Variants in PUM2 observed in about 807,000 individuals in gnomAD.
PUM2 encodes pumilio RNA binding family member 2.
PUM2 carries 57 observed loss-of-function variants against 124.5 expected under a neutral mutation model. That is an observed-to-expected ratio of 0.46 (90% CI 0.37 to 0.57). PUM2 has a LOEUF of 0.57. Ranked by LOEUF, PUM2 falls within the 20% of genes least tolerant of loss-of-function variation. The pLI, the probability that PUM2 is intolerant of heterozygous loss-of-function variation, is 0.00. For missense variants in PUM2, 1,065 were observed against 1,290.6 expected, an observed-to-expected ratio of 0.83 and a Z score of 2.68; for synonymous variants, 460 against 446.1, an observed-to-expected ratio of 1.03 and a Z score of -0.39.
intron 7 of PUM2, among the ~76,000 whole-genome samples, chr2:20,307,270 T>C (rs1366884053): frequency 6.6e-6 from 1 of 152,096 alleles, no homozygotes; most frequent in Non-Finnish European, 1.5e-5. Flanking sequence ...GAAGCCTTAT[T>C]GCACTAACAC....
intron 16 of PUM2, 154 bp downstream of exon 16, chr2:20,258,089 G>A (rs1212269725): frequency 7.2e-6 from 4 of 558,900 alleles, no homozygotes. Context: ...CTTCTAATTA[G>A]TAGTGTGCTA....
At chr2:20,313,145 T>C (rs943643292) in intron 3 of PUM2, among the ~76,000 whole-genome samples, 4 of 152,136 alleles carry the variant, frequency 2.6e-5, no homozygotes, top group East Asian at 1.9e-4. Flanking sequence ...ATTCAGGACA[T>C]AGGAATGGGC....
intron 13 of PUM2, among the ~76,000 whole-genome samples, chr2:20,264,442 G>A (rs1667181006): frequency 8.2e-6 from 1 of 121,400 alleles, no homozygotes; most frequent in South Asian, 2.8e-4. Context: ...TTAATAAACA[G>A]CAGTTATTAT....
chr2:20,348,784 G>T (rs746256779), intron 1 of PUM2, among the ~76,000 whole-genome samples: 3 of 145,392 alleles, frequency 2.1e-5, no homozygotes, highest in African/African-American at 5.0e-5. Flanking sequence ...TTAGCCGGGC[G>T]TGGTGGCGTG....
At chr2:20,290,184 G>A (rs1424036152) in intron 10 of PUM2, among the ~76,000 whole-genome samples, 1 of 152,120 alleles carries the variant, frequency 6.6e-6, no homozygotes, top group Non-Finnish European at 1.5e-5. Flanking sequence ...TTGCTATTAA[G>A]TTATAAATAA....
At chr2:20,274,437 C>T (rs1257794853) in intron 13 of PUM2, among the ~76,000 whole-genome samples, 1 of 152,016 alleles carries the variant, frequency 6.6e-6, no homozygotes, top group African/African-American at 2.4e-5. Flanking sequence ...ACTAAGTCTG[C>T]CAAAGGCCAG....
intron 1 of PUM2, among the ~76,000 whole-genome samples, chr2:20,346,754 G>A (rs1358551404): frequency 6.6e-6 from 1 of 152,180 alleles, no homozygotes; most frequent in Non-Finnish European, 1.5e-5. Flanking sequence ...CATTGTATGT[G>A]TGTTGGCAGC....
At position 20,336,578 on chromosome 2, in the gene PUM2, G is replaced by A. The variant is rs755715270; in HGVS notation, c.-18-9200C>T. 4.4e-4 allele frequency among the ~76,000 whole-genome samples: 66 copies of A among 151,646 alleles called. 1 individual carries two copies. Among genetic ancestry groups the A allele is most frequent in the Admixed American group, 2.3e-3 (35 of 15,222 alleles). ...GTTGCCCAAGATGGAGCACAGTGAC[G>A]TAATCAGGGTTCACTGCAGCCTTGA... On this transcript the variant is annotated intron_variant, in intron 1 of 20. Coordinates refer to ENST00000361078, the MANE Select transcript of PUM2 (RefSeq NM_015317.5).
chr2:20,317,063 GGT>G (rs2148693485), intron 3 of PUM2, among the ~76,000 whole-genome samples: 1 of 152,044 alleles, frequency 6.6e-6, no homozygotes, highest in East Asian at 1.9e-4. Context: ...CAGATGTGAT[GGT>G]GTGAGCCTGT....
At chr2:20,256,193 TA>T (rs1178734959) in intron 16 of PUM2, 23 bp from the exon 17 acceptor site, 1 of 1,564,712 alleles carries the variant, frequency 6.4e-7, no homozygotes, top group East Asian at 2.4e-5. Flanking sequence ...GGATGTCATT[TA>T]AATTATTACC....
intron 3 of PUM2, 106 bp from the exon 4 acceptor site, chr2:20,312,529 T>A (rs549793929): frequency 9.7e-7 from 1 of 1,030,790 alleles, no homozygotes; most frequent in Admixed American, 2.7e-5. Flanking sequence ...TGTTTTATTT[T>A]GAATGTTATT....
rs565410440 is a variant in PUM2, at chr2:20,283,014, A to G, written c.1653T>C (p.Leu551=). 8.7e-6 allele frequency: 14 copies of G among 1,614,164 alleles called. No homozygotes were observed. In the East Asian group the frequency reaches 3.1e-4, roughly 36 times the overall value. Residue 551 remains leucine (L), a synonymous_variant, in exon 12 of 21, where the codon CTT becomes CTC. Coordinates refer to ENST00000361078, the MANE Select transcript of PUM2 (RefSeq NM_015317.5). ...HGPGQPGSTS[L]GFGSGNSLGA... is the part of the protein sequence containing the mutation. ...CCAAAGAGTTACCACTTCCAAAGCC[A>G]AGAGATGTACTTCCAGGTTGACCAG...
At chr2:20,287,901 A>G (rs1053249048) in intron 10 of PUM2, among the ~76,000 whole-genome samples, 1 of 152,224 alleles carries the variant, frequency 6.6e-6, no homozygotes, top group African/African-American at 2.4e-5. Context: ...ATGTGAGTTC[A>G]TTTTCTGACA....
chr2:20,267,185 G>A (rs1339001986), intron 13 of PUM2, among the ~76,000 whole-genome samples: 1 of 136,718 alleles, frequency 7.3e-6, no homozygotes, highest in Admixed American at 7.3e-5. Context: ...ACCATGCCCG[G>A]CTAAGTTTGT....
intron 1 of PUM2, among the ~76,000 whole-genome samples, chr2:20,327,621 T>C (rs1231677736): frequency 6.6e-6 from 1 of 152,158 alleles, no homozygotes. Context: ...GTGAAGGCAA[T>C]GAAAAACAAT....
intron 5 of PUM2, 49 bp downstream of exon 5, chr2:20,311,445 T>C: frequency 6.6e-7 from 1 of 1,519,800 alleles, no homozygotes; most frequent in Non-Finnish European, 8.9e-7. Flanking sequence ...CTAATAGTAA[T>C]AATCCCTAAA....
chr2:20,321,682 T>C (rs920938368), intron 2 of PUM2, among the ~76,000 whole-genome samples: 7 of 152,086 alleles, frequency 4.6e-5, no homozygotes, highest in Non-Finnish European at 1.0e-4. Flanking sequence ...GCAATAAAAA[T>C]AGGAGATTTG....
At chr2:20,301,372 T>C (rs1450619670) in intron 7 of PUM2, among the ~76,000 whole-genome samples, 1 of 152,220 alleles carries the variant, frequency 6.6e-6, no homozygotes, top group Non-Finnish European at 1.5e-5. Flanking sequence ...TTTAATTTAA[T>C]ATAGTTTTAT....
At chr2:20,342,141 A>AG (rs1041151781) in intron 1 of PUM2, among the ~76,000 whole-genome samples, 4 of 151,900 alleles carry the variant, frequency 2.6e-5, no homozygotes, top group South Asian at 2.1e-4. Context: ...AAAAAAAAAA[A>AG]AAAGAAAGAA....
Sources: allele counts gnomAD v4.1 joint callset (sites outside exome capture counted in the v4.1 genomes callset), GRCh38; gene constraint gnomAD v4.1.1; transcripts MANE v1.5; gene names NCBI Gene and HGNC (gene_info 2026-07-23, HGNC 2026-07-21).